CYRIB: variants seen among roughly 807,000 people sequenced by gnomAD.
CYRIB encodes CYFIP related Rac1 interactor B.
Under a neutral mutation model 44.2 loss-of-function variants are expected in CYRIB, and 8 were observed. The ratio of observed to expected loss-of-function variants is 0.18; its 90% CI spans 0.11 to 0.33. CYRIB has a LOEUF of 0.33. Among genes scored for constraint, CYRIB ranks in the 10% least tolerant of loss-of-function variants. The pLI is 1.00. For missense variants in CYRIB, 185 were observed against 382.8 expected, an observed-to-expected ratio of 0.48 and a Z score of 4.31; for synonymous variants, 131 against 127.2, an observed-to-expected ratio of 1.03 and a Z score of -0.20.
chr8:129,986,366 C>G lies in CYRIB; in HGVS notation c.-295-15371G>C, dbSNP rs75484435. Reference sequence around the variant, plus strand: ...CTCACTCTATCCCAGTTCAGGTCACCATTGCAGAAGTCTCCCTAGCCAGGT... The same window carrying G: ...CTCACTCTATCCCAGTTCAGGTCACGATTGCAGAAGTCTCCCTAGCCAGGT... On this transcript the variant is annotated intron_variant, in intron 1 of 14. Coordinates refer to the CYRIB transcript ENST00000401979. Among the ~76,000 whole-genome samples the G allele has an allele frequency of 7.4e-3, 1,132 of 152,294 alleles. 6 individuals carry two copies. The highest frequency in any genetic ancestry group is 0.019 in the South Asian group (91 of 4,826).
chr8:129,986,051 CAAGG>C (rs1306380982), intron 1 of CYRIB, among the ~76,000 whole-genome samples: 2 of 152,170 alleles, frequency 1.3e-5, no homozygotes, highest in African/African-American at 4.8e-5. Context: ...CAGGATGCAG[CAAGG>C]AAAGAATTAG....
rs576238882 is a variant in CYRIB at position 129,991,959 on chromosome 8, A to C, written c.-295-20964T>G. 3.4e-3 allele frequency among the ~76,000 whole-genome samples: 503 copies of C among 147,218 alleles called. 4 individuals are homozygous for C. The highest frequency in any genetic ancestry group is 6.6e-3 in the Admixed American group (97 of 14,730). On this transcript the variant is annotated intron_variant, in intron 1 of 14. Transcript: ENST00000401979. Reference sequence around the variant, plus strand: ...GCAGAGTCGCAAAAAAAAAAAAAAAAAAAAAAAAAAAAACAATAGGAAGCT... The same window carrying C: ...GCAGAGTCGCAAAAAAAAAAAAAAACAAAAAAAAAAAAACAATAGGAAGCT...
intron 1 of CYRIB, among the ~76,000 whole-genome samples, chr8:129,987,013 A>C (rs2096479586): frequency 1.3e-5 from 2 of 152,320 alleles, no homozygotes; most frequent in East Asian, 3.9e-4. Flanking sequence ...CCCTAACTAG[A>C]CAGTAAGAGA....
intron 1 of CYRIB, among the ~76,000 whole-genome samples, chr8:129,930,379 A>ATATATATATATATATATATATT (rs971468534): frequency 2.3e-5 from 3 of 130,104 alleles, no homozygotes; most frequent in East Asian, 2.1e-4. Context: ...ATATATATAT[A>ATATATATATATATATATATATT]TTTTAATTAT....
chr8:129,920,915 T>A (rs1279728606), intron 1 of CYRIB, among the ~76,000 whole-genome samples: 1 of 152,186 alleles, frequency 6.6e-6, no homozygotes, highest in African/African-American at 2.4e-5. Context: ...AAAATTTTAG[T>A]CATTTGGGAA....
intron 1 of CYRIB, among the ~76,000 whole-genome samples, chr8:129,918,664 T>A (rs2081996979): frequency 6.6e-6 from 1 of 152,170 alleles, no homozygotes; most frequent in Admixed American, 6.5e-5. Flanking sequence ...TTCCCATGAC[T>A]CAAAGTGGCT....
At chr8:129,923,916 AAC>A (rs1368686624) in intron 1 of CYRIB, among the ~76,000 whole-genome samples, 2 of 150,062 alleles carry the variant, frequency 1.3e-5, no homozygotes, top group Non-Finnish European at 3.0e-5. Flanking sequence ...TTTTTTTTAA[AAC>A]ACTGCAAAAC....
In CYRIB at chr8:129,849,155, C is replaced by T. The variant is rs1480577480; in HGVS notation, c.840+88G>A. ...TATAAATCTGAGTTTTGTGAGAGTC[C>T]GGTTTGCTGGCTCTTATCATAAAAT... is the stretch of plus-strand genomic sequence containing the variant. On this transcript the variant is annotated intron_variant, in intron 10 of 11. Coordinates refer to ENST00000519824, the Ensembl canonical transcript of CYRIB. 2.0e-5 allele frequency: 26 copies of T among 1,275,852 alleles called. 1 individual carries two copies. Among genetic ancestry groups the T allele is most frequent in the Middle Eastern group, 4.8e-4 (2 of 4,174 alleles). 79.0% of individuals were successfully genotyped at this position (1,275,852 alleles called of 1,614,324 possible). A position where few individuals can be genotyped will look rare whatever the true frequency, so the allele number is the denominator to read the frequency against.
At chr8:129,972,717 A>C (rs1278036757) in intron 1 of CYRIB, among the ~76,000 whole-genome samples, 1 of 151,906 alleles carries the variant, frequency 6.6e-6, no homozygotes, top group Non-Finnish European at 1.5e-5. Context: ...TCCCATGCAC[A>C]CACCCCACAC....
At chr8:129,884,654 T>C (rs2062039716) in intron 2 of CYRIB, among the ~76,000 whole-genome samples, 1 of 152,226 alleles carries the variant, frequency 6.6e-6, no homozygotes, top group African/African-American at 2.4e-5. Context: ...AATATTATCA[T>C]TTAGAATAAT....
Position 129,956,317 on chromosome 8 carries a change from T to C in CYRIB, c.-243+14626A>G, listed in dbSNP as rs143185208. On this transcript the variant is annotated intron_variant, in intron 2 of 14. Transcript: ENST00000401979. The stretch of plus-strand genomic sequence containing the variant: ...ATAATTCTCACAGAGCAGTGATTCC[T>C]GAACTTAACTTGTCCTGAACATTAG... Among the ~76,000 whole-genome samples, 260 of 152,316 alleles carry C rather than the reference T, an allele frequency of 1.7e-3. 1 individual carries two copies. Among genetic ancestry groups the C allele is most frequent in the African/African-American group, 5.9e-3 (245 of 41,560 alleles).
intron 1 of CYRIB, among the ~76,000 whole-genome samples, chr8:130,008,120 A>T (rs1052511457): frequency 6.6e-6 from 1 of 151,954 alleles, no homozygotes; most frequent in African/African-American, 2.4e-5. Context: ...GAGGCAGGAG[A>T]ATTGCTTGAA....
intron 2 of CYRIB, among the ~76,000 whole-genome samples, chr8:129,957,972 A>G (rs1482893442): frequency 6.6e-6 from 1 of 151,494 alleles, no homozygotes; most frequent in Admixed American, 6.6e-5. Context: ...CTCAAAAAAA[A>G]AAAAAAAAAT....
At chr8:129,943,544 A>G (rs1171637477), upstream of CYRIB, among the ~76,000 whole-genome samples, 2 of 151,200 alleles carry the variant, frequency 1.3e-5, no homozygotes, top group East Asian at 2.0e-4. Flanking sequence ...GCAATGAGCC[A>G]AGATTGCACC....
intron 2 of CYRIB, among the ~76,000 whole-genome samples, chr8:129,886,697 A>C (rs1588633229): frequency 6.6e-6 from 1 of 151,890 alleles, no homozygotes; most frequent in East Asian, 1.9e-4. Context: ...CAGTGTCAAT[A>C]CTCAGCCCTC....
chr8:129,917,113 A>T (rs1384434974), intron 1 of CYRIB, among the ~76,000 whole-genome samples: 2 of 152,204 alleles, frequency 1.3e-5, no homozygotes, highest in Non-Finnish European at 2.9e-5. Context: ...ACACAGATCA[A>T]ATATCCACCA....
intron 4 of CYRIB, among the ~76,000 whole-genome samples, chr8:129,869,309 G>T (rs1266553496): frequency 6.7e-6 from 1 of 150,302 alleles, no homozygotes; most frequent in Non-Finnish European, 1.5e-5. Flanking sequence ...CTTGAACCTG[G>T]GAGGTGGAGG....
At chr8:129,946,280 T>C (rs2094136279) in intron 2 of CYRIB, among the ~76,000 whole-genome samples, 1 of 152,230 alleles carries the variant, frequency 6.6e-6, no homozygotes, top group South Asian at 2.1e-4. Context: ...CATCTTTCAA[T>C]ATGCTTCAGC....
intron 11 of CYRIB, among the ~76,000 whole-genome samples, chr8:129,846,401 A>G (rs2040025131): frequency 6.6e-6 from 1 of 152,242 alleles, no homozygotes; most frequent in East Asian, 1.9e-4. Context: ...AAACTCTGGA[A>G]GGCTATATGC....
Sources: gnomAD v4.1 joint callset for allele counts (sites outside exome capture counted in the v4.1 genomes callset) on GRCh38, gnomAD v4.1.1 for gene constraint, MANE v1.5 for transcripts, NCBI Gene and HGNC (gene_info 2026-07-23, HGNC 2026-07-21) for gene names.